ADAMDEC1: variants seen among roughly 807,000 people sequenced by gnomAD.
The protein encoded by ADAMDEC1 is ADAM DEC1.
In ADAMDEC1, 62 loss-of-function variants were observed where a neutral mutation model predicts 60.4. The ratio of observed to expected loss-of-function variants is 1.03; its 90% CI spans 0.84 to 1.27. The LOEUF (loss-of-function observed/expected upper bound fraction) is 1.27. Ranked by LOEUF, ADAMDEC1 falls within the 50% of genes most tolerant of loss-of-function variation. ADAMDEC1 has a pLI of 0.00. For synonymous variants in ADAMDEC1, 210 were observed against 195.1 expected (o/e 1.08, Z -0.64); for missense variants, 595 against 565.0 (o/e 1.05, Z -0.54).
chr8:24,392,486 A>G (rs557709195), intron 2 of ADAMDEC1, 106 bp downstream of exon 2: 11 of 787,004 alleles, frequency 1.4e-5, no homozygotes, highest in Non-Finnish European at 2.2e-5. Context: ...TAATAGTTTC[A>G]TATTGAAGCC....
At chr8:24,401,135 A>G (rs528155622) in intron 11 of ADAMDEC1, among the ~76,000 whole-genome samples, 2 of 152,238 alleles carry the variant, frequency 1.3e-5, no homozygotes, top group East Asian at 3.9e-4. Context: ...GAATGGACAT[A>G]TCTTTTCCCA....
intron 7 of ADAMDEC1, among the ~76,000 whole-genome samples, chr8:24,398,244 A>G (rs959325530): frequency 2.6e-5 from 4 of 152,014 alleles, no homozygotes; most frequent in African/African-American, 9.7e-5. Context: ...TGATGTATTC[A>G]ACTTTAAAAT....
Position 24,400,724 on chromosome 8 carries a change from G to A in ADAMDEC1, c.1142+424G>A, listed in dbSNP as rs191343899. 4.3e-3 allele frequency among the ~76,000 whole-genome samples: 655 copies of A among 151,036 alleles called. 4 individuals carry two copies. Among genetic ancestry groups the A allele is most frequent in the Non-Finnish European group, 7.1e-3 (483 of 67,790 alleles). On this transcript the variant is annotated intron_variant, in intron 11 of 13. Transcript: ENST00000256412. ...ACATATGTATACATGTGCCATGTTG[G>A]TGTGCTGCACCCATTAACTAGTCAT...
intron 4 of ADAMDEC1, among the ~76,000 whole-genome samples, chr8:24,395,508 A>G (rs1236049627): frequency 6.6e-6 from 1 of 152,186 alleles, no homozygotes; most frequent in Non-Finnish European, 1.5e-5. Flanking sequence ...TTTCCAGTGA[A>G]GCAATTCTGA....
At chr8:24,403,513 A>T (rs1010030879) in intron 12 of ADAMDEC1, among the ~76,000 whole-genome samples, 1 of 152,100 alleles carries the variant, frequency 6.6e-6, no homozygotes, top group Non-Finnish European at 1.5e-5. Context: ...TTGCCCTCAA[A>T]TACCATTGAG....
chr8:24,392,641 G>C (rs1028278361), intron 2 of ADAMDEC1, among the ~76,000 whole-genome samples: 5 of 152,156 alleles, frequency 3.3e-5, no homozygotes, highest in African/African-American at 1.2e-4. Flanking sequence ...AGAGTGAGGA[G>C]AGAAGCCCGG....
At chr8:24,388,288 T>C (rs530738503) in intron 1 of ADAMDEC1, among the ~76,000 whole-genome samples, 1 of 151,770 alleles carries the variant, frequency 6.6e-6, no homozygotes, top group South Asian at 2.1e-4. Context: ...CATTCCCTTT[T>C]GCATAAAAAA....
chr8:24,400,057 G>A, intron 10 of ADAMDEC1, 113 bp from the exon 11 acceptor site: 2 of 844,148 alleles, frequency 2.4e-6, no homozygotes, highest in Non-Finnish European at 1.7e-6. Flanking sequence ...CACAGTGACA[G>A]GGAAAGGAGC....
Position 24,397,424 on chromosome 8 carries a change from A to T in ADAMDEC1, c.595A>T (p.Ile199Phe). 1 of 1,613,990 alleles carries T rather than the reference A, an allele frequency of 6.2e-7. No individual in the cohort carries two copies. Among genetic ancestry groups the T allele is most frequent in the Non-Finnish European group, 8.5e-7 (1 of 1,179,922 alleles). Residue 199 changes from isoleucine (I) to phenylalanine (F), a missense_variant, in exon 6 of 14, where the codon ATT (isoleucine) becomes TTT (phenylalanine). Transcript: ENST00000256412. ...GAGCACTGACGGGAAACAAGGCCCA[A>T]TTCGAATCTCTAGATCACTCAAAAG... ...VKSTDGKQGPIRISRSLKSPE... is the reference protein window; with the variant it reads ...VKSTDGKQGPFRISRSLKSPE...
intron 8 of ADAMDEC1, 50 bp from the exon 9 acceptor site, chr8:24,398,824 C>T (rs1200072820): frequency 6.4e-7 from 1 of 1,572,130 alleles, no homozygotes; most frequent in Non-Finnish European, 8.7e-7. Flanking sequence ...AGCTCTCAGA[C>T]ACGAAAGGAA....
At chr8:24,389,860 T>C (rs567485820) in intron 1 of ADAMDEC1, among the ~76,000 whole-genome samples, 6 of 152,326 alleles carry the variant, frequency 3.9e-5, no homozygotes, top group African/African-American at 1.4e-4. Flanking sequence ...TCCTGAAGTC[T>C]TGGCTTAAAA....
chr8:24,396,127 G>T (rs549368062), intron 5 of ADAMDEC1, among the ~76,000 whole-genome samples: 19 of 152,238 alleles, frequency 1.2e-4, no homozygotes, highest in African/African-American at 4.6e-4. Context: ...GGTCACAGTT[G>T]AACTTAATTT....
At chr8:24,394,506 T>C (rs951237205) in intron 4 of ADAMDEC1, among the ~76,000 whole-genome samples, 8 of 152,204 alleles carry the variant, frequency 5.3e-5, no homozygotes, top group African/African-American at 1.9e-4. Flanking sequence ...TTTTTGGAGA[T>C]ACATGCATTT....
chr8:24,400,387 T>A, intron 11 of ADAMDEC1, 87 bp downstream of exon 11: 1 of 1,343,936 alleles, frequency 7.4e-7, no homozygotes, highest in Non-Finnish European at 9.9e-7. Context: ...ATTGTTTAAT[T>A]AAATATTAGA....
Position 24,401,990 on chromosome 8 carries a change from G to C in ADAMDEC1, c.1218G>C (p.Lys406Asn). 6.2e-7 allele frequency: 1 copy of C among 1,613,384 alleles called. No individual in the cohort carries two copies. Among genetic ancestry groups the C allele is most frequent in the Non-Finnish European group, 8.5e-7 (1 of 1,179,564 alleles). ...GATACCTTTTATCTCAGAAACCAAA[G>C]TGCCTGCTGCAAGCACCTATTCCTA... is the stretch of plus-strand genomic sequence containing the variant. ...FERYLLSQKPKCLLQAPIPTN... is the reference protein window; with the variant it reads ...FERYLLSQKPNCLLQAPIPTN... The change falls in exon 12 of 14, where the codon AAG becomes AAC. Residue 406 changes from lysine (K) to asparagine (N), a missense_variant. Lys to Asn is a moderately conservative substitution (Grantham distance 94). Transcript: ENST00000256412.
Position 24,402,040 on chromosome 8 carries a change from G to A in ADAMDEC1, c.1268G>A (p.Cys423Tyr), listed in dbSNP as rs1817778827. ...IPTNIMTTPVCGNHLLEVGED... is the reference protein window; with the variant it reads ...IPTNIMTTPVYGNHLLEVGED... Reference sequence around the variant, plus strand: ...ACAAATATAATGACAACACCAGTGTGTGGGAACCACCTTCTAGAAGTGGGA... The same window carrying A: ...ACAAATATAATGACAACACCAGTGTATGGGAACCACCTTCTAGAAGTGGGA... Residue 423 changes from cysteine to tyrosine, a missense_variant, in exon 12 of 14, where the codon TGT (cysteine) becomes TAT (tyrosine). Physicochemically the swap from Cys to Tyr is radical, Grantham distance 194. Transcript: ENST00000256412. 2 of 1,613,124 alleles carry A rather than the reference G, an allele frequency of 1.2e-6. No homozygotes were observed. Among genetic ancestry groups the A allele is most frequent in the African/African-American group, 1.3e-5 (1 of 75,022 alleles).
At chr8:24,394,040 T>C (rs1214890500) in intron 3 of ADAMDEC1, 29 bp from the exon 4 acceptor site, 2 of 1,490,862 alleles carry the variant, frequency 1.3e-6, no homozygotes, top group African/African-American at 2.8e-5. Flanking sequence ...CCATCCTGAG[T>C]GGTCCATGCA....
intron 4 of ADAMDEC1, 27 bp from the exon 5 acceptor site, chr8:24,395,692 GA>G: frequency 6.7e-7 from 1 of 1,493,898 alleles, no homozygotes. Flanking sequence ...ACACATTTCT[GA>G]AGCATAATTT....
At position 24,405,502 on chromosome 8, in the gene ADAMDEC1, CTTTTT is replaced by C; in HGVS notation, c.*210_*214del. 1 of 455,280 alleles carries C rather than the reference CTTTTT, an allele frequency of 2.2e-6. No individual in the cohort carries two copies. Among genetic ancestry groups the C allele is most frequent in the Non-Finnish European group, 3.8e-6 (1 of 260,874 alleles). 28.2% of individuals were successfully genotyped at this position (455,280 alleles called of 1,614,324 possible). ...TGTTTAGGCCTAATCTTTCTTTTTA[CTTTTT>C]TTTTTCTTTTTTCTTTTTTTTTAAA... On this transcript the variant is annotated 3_prime_UTR_variant, in exon 14 of 14. Coordinates refer to ENST00000256412, the MANE Select transcript of ADAMDEC1 (RefSeq NM_014479.3).
Sources: allele counts gnomAD v4.1 joint callset (sites outside exome capture counted in the v4.1 genomes callset), GRCh38; gene constraint gnomAD v4.1.1; transcripts MANE v1.5; gene names NCBI Gene and HGNC (gene_info 2026-07-23, HGNC 2026-07-21).